MYOZ2: variants seen among roughly 807,000 people sequenced by gnomAD.
MYOZ2 encodes the protein myozenin 2.
MYOZ2 carries 19 observed loss-of-function variants against 25.4 expected under a neutral mutation model. That is an observed-to-expected ratio of 0.75 (90% confidence interval 0.52 to 1.10). The LOEUF (loss-of-function observed/expected upper bound fraction) is 1.10, where lower values mean the gene tolerates loss of function less well. Among genes scored for constraint, MYOZ2 ranks in the 50% least tolerant of loss-of-function variants. The pLI is 0.00. For synonymous variants in MYOZ2, 92 were observed against 106.9 expected, an observed-to-expected ratio of 0.86 and a Z score of 0.86; for missense variants, 270 against 317.9, an observed-to-expected ratio of 0.85 and a Z score of 1.15.
chr4:119,150,136 A>G (rs1003459494), intron 2 of MYOZ2, among the ~76,000 whole-genome samples: 8 of 152,190 alleles, frequency 5.3e-5, no homozygotes, highest in African/African-American at 1.9e-4. Flanking sequence ...AATAGGAAAT[A>G]ACACTCATTT....
intron 5 of MYOZ2, among the ~76,000 whole-genome samples, chr4:119,170,306 T>C (rs1741922216): frequency 6.6e-6 from 1 of 151,834 alleles, no homozygotes; most frequent in South Asian, 2.1e-4. Context: ...GTGGCTGGCT[T>C]ATTTCACTTA....
At chr4:119,137,700 T>C (rs918598019) in intron 2 of MYOZ2, among the ~76,000 whole-genome samples, 9 of 152,322 alleles carry the variant, frequency 5.9e-5, no homozygotes, top group Admixed American at 3.9e-4. Context: ...TTCTCATGTT[T>C]TACTGTAATG....
intron 5 of MYOZ2, among the ~76,000 whole-genome samples, chr4:119,172,149 A>C (rs1741960332): frequency 6.6e-6 from 1 of 152,236 alleles, no homozygotes; most frequent in Non-Finnish European, 1.5e-5. Flanking sequence ...ACATTCAAAT[A>C]ATATTTCATT....
intron 5 of MYOZ2, among the ~76,000 whole-genome samples, chr4:119,182,965 T>G (rs1742215792): frequency 6.6e-6 from 1 of 152,188 alleles, no homozygotes; most frequent in Non-Finnish European, 1.5e-5. Flanking sequence ...ACTATACATA[T>G]TTATGTTTTA....
intron 5 of MYOZ2, among the ~76,000 whole-genome samples, chr4:119,182,038 CA>C (rs1742192054): frequency 6.6e-6 from 1 of 151,844 alleles, no homozygotes; most frequent in Admixed American, 6.6e-5. Flanking sequence ...TAACCTAATA[CA>C]GTATTCAGAA....
At chr4:119,157,036 A>G (rs1741590675) in intron 3 of MYOZ2, among the ~76,000 whole-genome samples, 1 of 152,200 alleles carries the variant, frequency 6.6e-6, no homozygotes. Context: ...ATAAAGTTAA[A>G]TAAGTGTTAA....
chr4:119,176,776 A>G (rs904424497), intron 5 of MYOZ2, among the ~76,000 whole-genome samples: 2 of 152,230 alleles, frequency 1.3e-5, no homozygotes, highest in Non-Finnish European at 2.9e-5. Flanking sequence ...AAGGCATAGT[A>G]ATGATGGAAA....
At chr4:119,160,533 C>T (rs1014719047) in intron 4 of MYOZ2, among the ~76,000 whole-genome samples, 2 of 152,104 alleles carry the variant, frequency 1.3e-5, no homozygotes, top group East Asian at 1.9e-4. Flanking sequence ...TATATTTTCA[C>T]TTTCTGTGTA....
chr4:119,158,855 A>G (rs1741645214), intron 4 of MYOZ2, among the ~76,000 whole-genome samples: 1 of 152,202 alleles, frequency 6.6e-6, no homozygotes, highest in Non-Finnish European at 1.5e-5. Context: ...ATGAATGTCT[A>G]TGAAGCAACA....
At chr4:119,185,104 C>T (rs2149230514) in intron 5 of MYOZ2, among the ~76,000 whole-genome samples, 1 of 151,674 alleles carries the variant, frequency 6.6e-6, no homozygotes, top group East Asian at 2.0e-4. Context: ...CCTCTCCCTT[C>T]CCTTCCCCTC....
chr4:119,142,114 G>C (rs1741169783), intron 2 of MYOZ2, among the ~76,000 whole-genome samples: 1 of 152,108 alleles, frequency 6.6e-6, no homozygotes, highest in Non-Finnish European at 1.5e-5. Flanking sequence ...TTCTTGAATG[G>C]GGCAGCAGTA....
chr4:119,159,773 TA>T (rs756471752), intron 4 of MYOZ2, among the ~76,000 whole-genome samples: 1 of 152,148 alleles, frequency 6.6e-6, no homozygotes. Context: ...TGTACAACAT[TA>T]AATATTATTT....
intron 5 of MYOZ2, among the ~76,000 whole-genome samples, chr4:119,173,534 C>T (rs1263465426): frequency 6.6e-6 from 1 of 152,232 alleles, no homozygotes; most frequent in Non-Finnish European, 1.5e-5. Flanking sequence ...AGGATGTAGC[C>T]TCAATGACGC....
intron 5 of MYOZ2, among the ~76,000 whole-genome samples, chr4:119,174,439 A>G (rs1188464872): frequency 1.3e-5 from 2 of 150,152 alleles, no homozygotes. Context: ...GAGAACCTTT[A>G]TGTCTAGTTC....
chr4:119,137,298 T>G (rs1741052424), intron 2 of MYOZ2, among the ~76,000 whole-genome samples: 1 of 152,180 alleles, frequency 6.6e-6, no homozygotes, highest in Admixed American at 6.5e-5. Context: ...AGCAATGCTT[T>G]ATAACTTGCA....
In MYOZ2 at chr4:119,164,393, A is replaced by G; in HGVS notation, c.559A>G (p.Arg187Gly). Residue 187 changes from arginine (R) to glycine (G), a missense_variant and splice_region_variant, in exon 5 of 6, where the codon AGG (arginine) becomes GGG (glycine). By Grantham distance (125) the Arg-to-Gly change is moderately radical (BLOSUM62 -2). Transcript: ENST00000307128. ...AELPDYRSFN[R>G]VATPFGGFEK... ...ACTGCCTGATTACAGGAGCTTTAAC[A>G]GGTAATTCAATGGTCCTGGGTGACA... 6.2e-7 allele frequency: 1 copy of G among 1,614,028 alleles called. No homozygotes were observed. The highest frequency in any genetic ancestry group is 8.5e-7 in the Non-Finnish European group (1 of 1,179,914).
rs143546047 is a variant in MYOZ2 at position 119,158,642 on chromosome 4, T to C, written c.376+491T>C. Among the ~76,000 whole-genome samples, 34 of 152,314 alleles carry C rather than the reference T, an allele frequency of 2.2e-4. No homozygotes were observed. The East Asian group carries it at 6.2e-3, about 28-fold the overall frequency. ...TCACATAAAACATTTATAGTAGCCATACGTTCTTTGTTTTAGATGGTCTGT... is the reference window on the plus strand; with the variant it reads ...TCACATAAAACATTTATAGTAGCCACACGTTCTTTGTTTTAGATGGTCTGT... On this transcript the variant is annotated intron_variant, in intron 4 of 5. Transcript: ENST00000307128.
intron 2 of MYOZ2, among the ~76,000 whole-genome samples, chr4:119,146,733 C>T (rs1417454286): frequency 6.6e-6 from 1 of 152,070 alleles, no homozygotes; most frequent in East Asian, 1.9e-4. Context: ...CAATTAAGTC[C>T]TATTCGTTGC....
At chr4:119,178,154 T>A (rs999855273) in intron 5 of MYOZ2, among the ~76,000 whole-genome samples, 1 of 152,128 alleles carries the variant, frequency 6.6e-6, no homozygotes, top group Non-Finnish European at 1.5e-5. Context: ...TTCCAAGAAA[T>A]AATTTTGTTC....
Sources: gnomAD v4.1 joint callset for allele counts (sites outside exome capture counted in the v4.1 genomes callset) on GRCh38, gnomAD v4.1.1 for gene constraint, MANE v1.5 for transcripts, NCBI Gene and HGNC (gene_info 2026-07-23, HGNC 2026-07-21) for gene names.